The following PHACTR1 variants were observed in gnomAD, a reference collection of about 807,000 sequenced individuals.
PHACTR1 encodes the protein RPEL repeat containing 1.
In PHACTR1, 16 loss-of-function variants were observed where a neutral mutation model predicts 69.2. That is an observed-to-expected ratio of 0.23 (90% CI 0.16 to 0.35). The LOEUF (loss-of-function observed/expected upper bound fraction) is 0.35. Among genes scored for constraint, PHACTR1 ranks in the 10% least tolerant of loss-of-function variants. The pLI is 1.00. For synonymous variants in PHACTR1, 312 were observed against 284.5 expected (o/e 1.10, Z -0.97); for missense variants, 510 against 734.7 (o/e 0.69, Z 3.54).
At position 13,169,253 on chromosome 6, in the gene PHACTR1, G is replaced by A. The variant is rs1221246585; in HGVS notation, c.496+8969G>A. Among the ~76,000 whole-genome samples, 4 of 152,144 alleles carry A rather than the reference G, an allele frequency of 2.6e-5. No individual in the cohort carries two copies. The East Asian group carries it at 7.7e-4, about 29-fold the overall frequency. Reference sequence around the variant, plus strand: ...CCTGAGCTGGGATCCCGAGAGAAGTGAGTTTAGGACACAAAACATTGTGAT... The same window carrying A: ...CCTGAGCTGGGATCCCGAGAGAAGTAAGTTTAGGACACAAAACATTGTGAT... On this transcript the variant is annotated intron_variant, in intron 6 of 14. Coordinates refer to ENST00000332995, the MANE Select transcript of PHACTR1 (RefSeq NM_030948.6).
chr6:12,772,222 C>T (rs952655406), intron 4 of PHACTR1, among the ~76,000 whole-genome samples: 2 of 152,154 alleles, frequency 1.3e-5, no homozygotes, highest in African/African-American at 4.8e-5. Context: ...ACATGCTTTC[C>T]AAATGAGATC....
At chr6:13,056,261 A>T (rs900650024) in intron 5 of PHACTR1, among the ~76,000 whole-genome samples, 1 of 152,120 alleles carries the variant, frequency 6.6e-6, no homozygotes, top group African/African-American at 2.4e-5. Flanking sequence ...TAAAATTAAC[A>T]TGGGGACACA....
At chr6:12,915,185 G>C (rs4711863) in intron 4 of PHACTR1, among the ~76,000 whole-genome samples, 43,423 of 152,026 alleles carry the variant, frequency 0.29, 6,811 homozygotes, top group Middle Eastern at 0.37. Context: ...ACCAGAGTGA[G>C]AGCAAGAAAA....
intron 4 of PHACTR1, among the ~76,000 whole-genome samples, chr6:13,024,002 C>T (rs9395335): frequency 0.52 from 77,947 of 151,262 alleles, 21,525 homozygotes; most frequent in East Asian, 0.83. Context: ...ACTTGAATCC[C>T]GGAGGCAGAG....
rs1584495952 is a variant in PHACTR1, at chr6:13,287,709, T to C, written c.*631T>C. ...ATTTCTGGGGGAGTCTGGCTGCCTC[T>C]TGGCTACGAAGGCTGGCACTGAGCA... is the stretch of plus-strand genomic sequence containing the variant. On this transcript the variant is annotated 3_prime_UTR_variant, in exon 15 of 15. Transcript: ENST00000332995. The C allele has an allele frequency of 6.5e-6, 1 of 152,794 alleles. No homozygotes were observed. Among genetic ancestry groups the C allele is most frequent in the Admixed American group, 6.5e-5 (1 of 15,306 alleles). 9.5% of individuals were successfully genotyped at this position (152,794 alleles called of 1,614,324 possible).
intron 4 of PHACTR1, among the ~76,000 whole-genome samples, chr6:12,764,170 T>G (rs185245732): frequency 6.6e-6 from 1 of 152,192 alleles, no homozygotes; most frequent in Non-Finnish European, 1.5e-5. Flanking sequence ...GACTCATCAT[T>G]CAGAACTAGA....
intron 5 of PHACTR1, among the ~76,000 whole-genome samples, chr6:13,055,630 C>G (rs539290569): frequency 6.6e-6 from 1 of 152,318 alleles, no homozygotes; most frequent in South Asian, 2.1e-4. Context: ...CCATGAATCT[C>G]TGAATGATGG....
chr6:12,806,728 AT>A (rs1303102916), intron 4 of PHACTR1, among the ~76,000 whole-genome samples: 1 of 152,258 alleles, frequency 6.6e-6, no homozygotes, highest in Admixed American at 6.5e-5. Flanking sequence ...TGAAGCAATA[AT>A]TTTTTTATAA....
At chr6:12,739,064 C>T (rs1275037217) in intron 3 of PHACTR1, among the ~76,000 whole-genome samples, 2 of 151,370 alleles carry the variant, frequency 1.3e-5, no homozygotes, top group African/African-American at 4.8e-5. Context: ...CATATAAGCC[C>T]CTTCAAACTG....
At chr6:13,131,246 C>CACACACACACA (rs1234018765) in intron 5 of PHACTR1, among the ~76,000 whole-genome samples, 1 of 147,570 alleles carries the variant, frequency 6.8e-6, no homozygotes, top group African/African-American at 2.5e-5. Context: ...CACACACACA[C>CACACACACACA]CATGGAATAC....
chr6:13,262,382 G>A lies in PHACTR1; in HGVS notation c.1392-10478G>A, dbSNP rs1015865438. Among the ~76,000 whole-genome samples, 20 of 152,272 alleles carry A rather than the reference G, an allele frequency of 1.3e-4. No homozygotes were observed. In the East Asian group the frequency reaches 3.9e-3, roughly 29 times the overall value. On this transcript the variant is annotated intron_variant, in intron 10 of 14. Transcript: ENST00000332995. ...TGGCCCATAGGAGTACAAGACAGCA[G>A]TTAGAAAGGTGGCCAGGAACTCAAA...
intron 4 of PHACTR1, among the ~76,000 whole-genome samples, chr6:12,820,619 T>G (rs1397842504): frequency 6.6e-6 from 1 of 152,222 alleles, no homozygotes; most frequent in East Asian, 1.9e-4. Flanking sequence ...GTGCCTTGTA[T>G]ACTTTGAGTG....
At chr6:13,105,001 C>G (rs1333175807) in intron 5 of PHACTR1, among the ~76,000 whole-genome samples, 1 of 152,082 alleles carries the variant, frequency 6.6e-6, no homozygotes, top group African/African-American at 2.4e-5. Flanking sequence ...CTTTTTCCAC[C>G]ACCACAGTCA....
intron 4 of PHACTR1, among the ~76,000 whole-genome samples, chr6:12,764,219 T>A (rs1396951045): frequency 6.6e-6 from 1 of 152,220 alleles, no homozygotes; most frequent in Non-Finnish European, 1.5e-5. Context: ...AGTGCATTGA[T>A]TCAAGTTTTT....
chr6:12,887,896 C>G (rs1385722935), intron 4 of PHACTR1, among the ~76,000 whole-genome samples: 1 of 150,490 alleles, frequency 6.6e-6, no homozygotes, highest in Non-Finnish European at 1.5e-5. Context: ...TGATGAAACC[C>G]TGTCTCTACT....
chr6:13,120,807 T>A (rs776358213), intron 5 of PHACTR1, among the ~76,000 whole-genome samples: 1 of 152,222 alleles, frequency 6.6e-6, no homozygotes, highest in Non-Finnish European at 1.5e-5. Flanking sequence ...ATTATTGTTG[T>A]CATTTTAAAG....
At chr6:13,068,082 T>C (rs1242623456) in intron 5 of PHACTR1, among the ~76,000 whole-genome samples, 3 of 152,186 alleles carry the variant, frequency 2.0e-5, no homozygotes, top group Admixed American at 6.5e-5. Context: ...TTTGGGAGGC[T>C]GAGGCAGGCA....
chr6:12,747,203 A>T (rs1765897979), intron 3 of PHACTR1, among the ~76,000 whole-genome samples: 1 of 152,202 alleles, frequency 6.6e-6, no homozygotes, highest in Non-Finnish European at 1.5e-5. Context: ...TATACTTAGC[A>T]AATCCAAATA....
At chr6:12,953,743 G>A (rs1251055501) in intron 4 of PHACTR1, among the ~76,000 whole-genome samples, 1 of 152,176 alleles carries the variant, frequency 6.6e-6, no homozygotes, top group East Asian at 1.9e-4. Context: ...GATCATATTG[G>A]CTGCTGTGTA....
Sources: allele counts gnomAD v4.1 joint callset (sites outside exome capture counted in the v4.1 genomes callset), GRCh38; gene constraint gnomAD v4.1.1; transcripts MANE v1.5; gene names NCBI Gene and HGNC (gene_info 2026-07-23, HGNC 2026-07-21).